The following SEH1L variants were observed in gnomAD, a reference collection of about 807,000 sequenced individuals.
The protein encoded by SEH1L is nucleoporin SEH1.
SEH1L carries 18 observed loss-of-function variants against 49.5 expected under a neutral mutation model. That is an observed-to-expected ratio of 0.36 (90% CI 0.25 to 0.54). The LOEUF is 0.54. Among genes scored for constraint, SEH1L ranks in the 20% least tolerant of loss-of-function variants. The pLI, the probability that SEH1L is intolerant of heterozygous loss-of-function variation, is 0.87. For missense variants in SEH1L, 404 were observed against 528.8 expected (o/e 0.76, Z 2.31); for synonymous variants, 169 against 178.1 (o/e 0.95, Z 0.41).
chr18:12,950,476 A>G (rs550199131), intron 1 of SEH1L, among the ~76,000 whole-genome samples: 1 of 152,086 alleles, frequency 6.6e-6, no homozygotes, highest in African/African-American at 2.4e-5. Flanking sequence ...TAATGTGTTA[A>G]TATTTATTGA....
At chr18:12,963,116 T>G (rs1404255719) in intron 3 of SEH1L, 44 bp from the exon 4 acceptor site, 1 of 1,435,432 alleles carries the variant, frequency 7.0e-7, no homozygotes, top group Admixed American at 1.8e-5. Flanking sequence ...TCTACCATGC[T>G]TTCTTTTTGT....
intron 1 of SEH1L, among the ~76,000 whole-genome samples, chr18:12,949,687 T>G (rs1238590684): frequency 6.6e-6 from 1 of 151,796 alleles, no homozygotes. Context: ...TCTCCTGACC[T>G]CGTGATCCGC....
intron 2 of SEH1L, among the ~76,000 whole-genome samples, chr18:12,954,525 G>A (rs112707857): frequency 5.9e-5 from 9 of 152,284 alleles, no homozygotes; most frequent in African/African-American, 2.2e-4. Flanking sequence ...GGAGTGCAGT[G>A]GCACAATCTT....
At chr18:12,961,302 C>T (rs929785228) in intron 3 of SEH1L, among the ~76,000 whole-genome samples, 1 of 152,214 alleles carries the variant, frequency 6.6e-6, no homozygotes, top group East Asian at 1.9e-4. Flanking sequence ...TATCAGGAAG[C>T]TGCTGATCAC....
chr18:12,958,648 A>G (rs1245241281), intron 3 of SEH1L, among the ~76,000 whole-genome samples: 1 of 152,152 alleles, frequency 6.6e-6, no homozygotes, highest in Non-Finnish European at 1.5e-5. Flanking sequence ...AAATGTTTTC[A>G]TGGTCTGTCC....
intron 1 of SEH1L, among the ~76,000 whole-genome samples, chr18:12,949,034 A>AT (rs2030320581): frequency 7.0e-6 from 1 of 143,198 alleles, no homozygotes; most frequent in Admixed American, 7.0e-5. Flanking sequence ...TTTTTTTTGT[A>AT]TTTTTTAGTA....
chr18:12,985,958 T>C (rs1476432038), intron 8 of SEH1L: 1 of 899,344 alleles, frequency 1.1e-6, no homozygotes, highest in Non-Finnish European at 1.3e-6. Flanking sequence ...AAGTTTTTAA[T>C]TCATAGTCAC....
intron 4 of SEH1L, chr18:12,964,590 A>C (rs369782838): frequency 6.6e-6 from 1 of 150,486 alleles, no homozygotes; most frequent in African/African-American, 2.4e-5. Context: ...ATATATCTCT[A>C]CACATATTTA....
rs181937800 is a variant in SEH1L, at chr18:12,963,385, T to A, written c.521+14T>A. ...GAACCCTTCAAGGTAAGTTTACATA[T>A]TAAACCTCTGATAACATCCTAGTAA... On this transcript the variant is annotated intron_variant, in intron 4 of 8. Transcript: ENST00000399892. The A allele has an allele frequency of 2.6e-5, 41 of 1,587,794 alleles. No homozygotes were observed. The Admixed American group carries it at 4.7e-4, about 18-fold the overall frequency.
chr18:12,948,831 C>T (rs1275819710), intron 1 of SEH1L: 1 of 151,502 alleles, frequency 6.6e-6, no homozygotes, highest in Non-Finnish European at 1.5e-5. Context: ...ACACTTCCGA[C>T]AAGCAGAATT....
At chr18:12,966,443 C>G (rs2031458335) in intron 4 of SEH1L, among the ~76,000 whole-genome samples, 1 of 152,016 alleles carries the variant, frequency 6.6e-6, no homozygotes, top group African/African-American at 2.4e-5. Context: ...ACACGTGTCA[C>G]TATGTCACCC....
At chr18:12,975,969 A>G (rs867780044) in intron 5 of SEH1L, 30 of 713,362 alleles carry the variant, frequency 4.2e-5, no homozygotes, top group Middle Eastern at 7.0e-4. Flanking sequence ...GGTAAGCACA[A>G]TTTATTTCAG....
At chr18:12,956,116 C>G (rs1280444725) in intron 3 of SEH1L, among the ~76,000 whole-genome samples, 2 of 150,998 alleles carry the variant, frequency 1.3e-5, no homozygotes, top group African/African-American at 4.9e-5. Flanking sequence ...ACAATCTTGG[C>G]TCACTGCAAG....
intron 4 of SEH1L, among the ~76,000 whole-genome samples, chr18:12,967,809 G>T (rs2031518432): frequency 6.6e-6 from 1 of 152,134 alleles, no homozygotes. Context: ...AGCTACTCAG[G>T]AGGCTGAGGC....
chr18:12,965,008 T>TC (rs2031375580), intron 4 of SEH1L, among the ~76,000 whole-genome samples: 2 of 116,122 alleles, frequency 1.7e-5, no homozygotes, highest in Non-Finnish European at 3.6e-5. Context: ...ATTTCCTCAT[T>TC]CTTTTTTTTT....
chr18:12,979,076 CT>C (rs56319921), intron 6 of SEH1L, among the ~76,000 whole-genome samples, 184 bp downstream of exon 6: 29 of 145,702 alleles, frequency 2.0e-4, no homozygotes, highest in East Asian at 2.0e-4. Context: ...TTTTTTCTTT[CT>C]TTTTTTTTTT....
At chr18:12,953,179 C>A (rs2030650794) in intron 2 of SEH1L, among the ~76,000 whole-genome samples, 1 of 152,096 alleles carries the variant, frequency 6.6e-6, no homozygotes, top group African/African-American at 2.4e-5. Flanking sequence ...GAGGTTCATC[C>A]ATATTGTGTC....
Position 12,963,172 on chromosome 18 carries a change from A to G in SEH1L, c.322A>G (p.Thr108Ala). Residue 108 changes from threonine to alanine, a missense_variant, in exon 4 of 9, where the codon ACT becomes GCT. Physicochemically the swap from Thr to Ala is moderately conservative, Grantham distance 58. This residue lies in a region of SEH1L where 342 missense variants were observed against 430.8 expected (regional missense o/e 0.79). Transcript: ENST00000399892. Reference protein sequence around the residue: ...RGQSHWVKRTTLVDSRTSVTD... With the variant: ...RGQSHWVKRTALVDSRTSVTD... The stretch of plus-strand genomic sequence containing the variant: ...ATTTTTTTTTTAGGTTAAAAGGACA[A>G]CTCTGGTGGATAGCAGAACATCTGT... 5 of 1,611,630 alleles carry G rather than the reference A, an allele frequency of 3.1e-6. No individual in the cohort carries two copies. The highest frequency in any genetic ancestry group is 4.2e-6 in the Non-Finnish European group (5 of 1,178,468).
intron 6 of SEH1L, among the ~76,000 whole-genome samples, chr18:12,980,872 T>G (rs1191797497): frequency 7.4e-6 from 1 of 134,456 alleles, no homozygotes; most frequent in African/African-American, 2.8e-5. Context: ...GGCGGGGGGC[T>G]GACCCCCCCC....
Sources: gnomAD v4.1 joint callset for allele counts (sites outside exome capture counted in the v4.1 genomes callset) on GRCh38, gnomAD v4.1.1 for gene constraint, gnomAD v4.1.1 regional missense constraint, MANE v1.5 for transcripts, NCBI Gene and HGNC (gene_info 2026-07-23, HGNC 2026-07-21) for gene names.